The following XYLT1 variants were observed in gnomAD, a reference collection of about 807,000 sequenced individuals.
The protein encoded by XYLT1 is xylosyltransferase 1.
XYLT1 carries 36 observed loss-of-function variants against 91.3 expected under a neutral mutation model. The observed-to-expected ratio is 0.39, with a 90% CI of 0.30 to 0.52. The LOEUF is 0.52. XYLT1 is among the 20% of genes least tolerant of loss of function. The pLI, the probability that XYLT1 is intolerant of heterozygous loss-of-function variation, is 0.68. For missense variants in XYLT1, 1,242 were observed against 1,284.5 expected (o/e 0.97, Z 0.51); for synonymous variants, 588 against 532.0 (o/e 1.11, Z -1.45).
chr16:17,384,030 G>A (rs1207357816), intron 1 of XYLT1, among the ~76,000 whole-genome samples: 2 of 151,904 alleles, frequency 1.3e-5, no homozygotes, highest in East Asian at 4.0e-4. Flanking sequence ...TTATAGGCAT[G>A]AGCCACCGCG....
chr16:17,445,027 T>C (rs918851385), intron 1 of XYLT1, among the ~76,000 whole-genome samples: 4 of 152,126 alleles, frequency 2.6e-5, no homozygotes, highest in Non-Finnish European at 5.9e-5. Flanking sequence ...TTAGACAGGG[T>C]CTCACTCTAT....
intron 5 of XYLT1, among the ~76,000 whole-genome samples, chr16:17,164,761 T>C (rs1443391304): frequency 2.0e-5 from 3 of 152,218 alleles, no homozygotes; most frequent in Non-Finnish European, 4.4e-5. Flanking sequence ...GTTATTTTTT[T>C]CCCTGTTACA....
intron 2 of XYLT1, among the ~76,000 whole-genome samples, chr16:17,304,144 T>C (rs1056034894): frequency 6.6e-6 from 1 of 152,132 alleles, no homozygotes; most frequent in Admixed American, 6.5e-5. Context: ...AGTCTGTCAG[T>C]TGGTAATAAC....
Position 17,409,549 on chromosome 16 carries a change from T to G in XYLT1, c.364-51499A>C, listed in dbSNP as rs866981557. Among the ~76,000 whole-genome samples, 65 of 140,522 alleles carry G rather than the reference T, an allele frequency of 4.6e-4. 2 individuals carry two copies. In the South Asian group the frequency reaches 0.014, roughly 31 times the overall value. 92.2% of individuals were successfully genotyped at this position (140,522 alleles called of 152,430 possible). On this transcript the variant is annotated intron_variant, in intron 1 of 11. Transcript: ENST00000261381. ...TTGGTTTTGAAGTATTGAGACACTT[T>G]TTTTTTTTTTTTTTTTTTTAGATGG...
chr16:17,171,417 A>T (rs544697659), intron 5 of XYLT1, among the ~76,000 whole-genome samples: 33 of 152,332 alleles, frequency 2.2e-4, no homozygotes, highest in Non-Finnish European at 4.4e-4. Context: ...ACTGCAACAC[A>T]GGCAAGAAGT....
At chr16:17,328,820 G>T (rs894881178) in intron 2 of XYLT1, among the ~76,000 whole-genome samples, 1 of 152,108 alleles carries the variant, frequency 6.6e-6, no homozygotes, top group Non-Finnish European at 1.5e-5. Flanking sequence ...TGAGAAGGCA[G>T]GAAAATAAAT....
At chr16:17,438,664 T>C (rs888663742) in intron 1 of XYLT1, among the ~76,000 whole-genome samples, 6 of 152,152 alleles carry the variant, frequency 3.9e-5, no homozygotes, top group East Asian at 3.9e-4. Flanking sequence ...ACAGGACGCA[T>C]GGCTAGGAGG....
chr16:17,364,519 T>A (rs1350183315), intron 1 of XYLT1, among the ~76,000 whole-genome samples: 5 of 152,184 alleles, frequency 3.3e-5, no homozygotes, highest in Non-Finnish European at 7.3e-5. Context: ...CTGAGACATA[T>A]CCCTCTATAC....
At chr16:17,151,003 A>G (rs558398866) in intron 6 of XYLT1, among the ~76,000 whole-genome samples, 15 of 152,192 alleles carry the variant, frequency 9.9e-5, no homozygotes, top group Non-Finnish European at 2.1e-4. Context: ...TCAGAACCTC[A>G]CTTCATAGGG....
At position 17,470,832 on chromosome 16, in the gene XYLT1, C is replaced by A; in HGVS notation, c.-36G>T. ...CGGCCGGCGAGCGAGGCGCGGGGAC[C>A]CCGGCACGCTCCGGGCCGCCCCCGC... On this transcript the variant is annotated 5_prime_UTR_variant, in exon 1 of 12. Transcript: ENST00000261381. The A allele has an allele frequency of 1.2e-6, 1 of 852,718 alleles. No homozygotes were observed. The highest frequency in any genetic ancestry group is 1.3e-6 in the Non-Finnish European group (1 of 772,078). The allele number at this position is 852,718 out of a possible 1,614,324, so 52.8% of individuals were successfully genotyped here. A position where few individuals can be genotyped will look rare whatever the true frequency, so the allele number is the denominator to read the frequency against.
intron 1 of XYLT1, among the ~76,000 whole-genome samples, chr16:17,430,227 G>C (rs1473679988): frequency 2.0e-5 from 3 of 152,112 alleles, no homozygotes. Context: ...CACAGGTTGA[G>C]CATCCCTAAC....
intron 2 of XYLT1, among the ~76,000 whole-genome samples, chr16:17,335,904 TAAAC>T (rs1381951213): frequency 1.3e-5 from 2 of 152,120 alleles, no homozygotes; most frequent in African/African-American, 4.8e-5. Context: ...ACTAGAAAAA[TAAAC>T]AGAGAGCTAT....
chr16:17,115,996 A>G (rs1966851563), intron 11 of XYLT1, among the ~76,000 whole-genome samples: 1 of 100,006 alleles, frequency 1.0e-5, no homozygotes, highest in South Asian at 3.2e-4. Flanking sequence ...AAAAAAAAAA[A>G]AAGCAATCTT....
intron 2 of XYLT1, among the ~76,000 whole-genome samples, chr16:17,330,627 A>C (rs1472425372): frequency 1.3e-5 from 2 of 148,272 alleles, no homozygotes; most frequent in African/African-American, 5.3e-5. Context: ...TCTCTACTAA[A>C]AATAAAAAAA....
intron 1 of XYLT1, among the ~76,000 whole-genome samples, chr16:17,437,897 T>TGCAGTCA (rs1308542249): frequency 6.6e-6 from 1 of 152,198 alleles, no homozygotes; most frequent in Non-Finnish European, 1.5e-5. Context: ...TGCCGCACGG[T>TGCAGTCA]GCAGTCAGCC....
chr16:17,349,376 T>C (rs574363348), intron 2 of XYLT1, among the ~76,000 whole-genome samples: 1 of 152,312 alleles, frequency 6.6e-6, no homozygotes, highest in South Asian at 2.1e-4. Context: ...TTCTATATCT[T>C]ATTGATATCT....
chr16:17,153,958 G>A (rs750790609), intron 6 of XYLT1, among the ~76,000 whole-genome samples: 6 of 152,228 alleles, frequency 3.9e-5, no homozygotes, highest in Non-Finnish European at 7.3e-5. Context: ...CTTAAAGTCA[G>A]ACGGAACCAG....
intron 3 of XYLT1, among the ~76,000 whole-genome samples, chr16:17,232,429 G>GTGTGTGTATATATA (rs1194509016): frequency 1.6e-3 from 192 of 121,654 alleles, no homozygotes; most frequent in Non-Finnish European, 2.4e-3. Flanking sequence ...GTGTGTGTGT[G>GTGTGTGTATATATA]TATATATATA....
chr16:17,187,432 T>C (rs371626299), intron 5 of XYLT1, among the ~76,000 whole-genome samples: 45 of 138,538 alleles, frequency 3.2e-4, no homozygotes, highest in African/African-American at 1.1e-3. Context: ...CCAGATGTGG[T>C]GGTGCATAAC....
Sources: allele counts gnomAD v4.1 joint callset (sites outside exome capture counted in the v4.1 genomes callset), GRCh38; gene constraint gnomAD v4.1.1; transcripts MANE v1.5; gene names NCBI Gene and HGNC (gene_info 2026-07-23, HGNC 2026-07-21).